The following KIF6 variants were observed in gnomAD, a reference collection of about 807,000 sequenced individuals.
KIF6 encodes the protein kinesin family member 6.
Under a neutral mutation model 112.7 loss-of-function variants are expected in KIF6, and 106 were observed. That is an observed-to-expected ratio of 0.94 (90% CI 0.80 to 1.11). The LOEUF is 1.11. Ranked by LOEUF, KIF6 falls within the 50% of genes least tolerant of loss-of-function variation. The probability of loss-of-function intolerance (pLI) is 0.00; values close to 1 mark genes in which losing one functional copy is unlikely to be tolerated. For synonymous variants in KIF6, 339 were observed against 339.9 expected, an observed-to-expected ratio of 1.00 and a Z score of 0.03; for missense variants, 929 against 964.0, an observed-to-expected ratio of 0.96 and a Z score of 0.48.
intron 17 of KIF6, among the ~76,000 whole-genome samples, chr6:39,361,719 T>C (rs945006306): frequency 6.6e-6 from 1 of 151,752 alleles, no homozygotes. Context: ...CACCTGCACA[T>C]CTGCCAGGAG....
At chr6:39,337,168 C>T (rs4714241) in intron 22 of KIF6, among the ~76,000 whole-genome samples, 9,768 of 48,220 alleles carry the variant, frequency 0.2, 1,040 homozygotes, top group East Asian at 0.33. Context: ...TCTTTCTTTC[C>T]TTCCTTCTTT....
intron 13 of KIF6, among the ~76,000 whole-genome samples, chr6:39,444,927 CA>C (rs1233120104): frequency 6.6e-6 from 1 of 151,902 alleles, no homozygotes; most frequent in East Asian, 1.9e-4. Context: ...TCTCTGTGAA[CA>C]GGAAACTAGG....
intron 13 of KIF6, among the ~76,000 whole-genome samples, chr6:39,502,913 C>T (rs1377584071): frequency 6.6e-6 from 1 of 152,122 alleles, no homozygotes; most frequent in Non-Finnish European, 1.5e-5. Context: ...TAACACCCCG[C>T]TGACAATATT....
chr6:39,389,922 T>C (rs1206566512), intron 15 of KIF6, among the ~76,000 whole-genome samples: 1 of 151,270 alleles, frequency 6.6e-6, no homozygotes, highest in East Asian at 1.9e-4. Flanking sequence ...TCCCAGCTAC[T>C]TGGGACACTG....
At chr6:39,640,896 T>C (rs1305203774) in intron 3 of KIF6, among the ~76,000 whole-genome samples, 2 of 152,130 alleles carry the variant, frequency 1.3e-5, no homozygotes, top group African/African-American at 4.8e-5. Context: ...GAAAGTGTTG[T>C]TGGTGCTTAC....
chr6:39,424,038 C>T (rs1037689875), intron 14 of KIF6, among the ~76,000 whole-genome samples: 1 of 152,152 alleles, frequency 6.6e-6, no homozygotes, highest in Non-Finnish European at 1.5e-5. Flanking sequence ...AGTCCGGATT[C>T]CCTAACAGGG....
At chr6:39,580,143 T>C (rs961039551) in intron 9 of KIF6, among the ~76,000 whole-genome samples, 4 of 152,118 alleles carry the variant, frequency 2.6e-5, no homozygotes, top group Non-Finnish European at 5.9e-5. Flanking sequence ...ATAAACATGG[T>C]ATAGCTTTCC....
intron 10 of KIF6, among the ~76,000 whole-genome samples, chr6:39,552,207 T>G (rs1439031752): frequency 6.6e-6 from 1 of 152,244 alleles, no homozygotes; most frequent in Non-Finnish European, 1.5e-5. Context: ...CATCCCTTGA[T>G]AGTCAACCAT....
intron 13 of KIF6, among the ~76,000 whole-genome samples, chr6:39,482,689 A>G (rs1157685916): frequency 1.3e-5 from 2 of 152,252 alleles, no homozygotes; most frequent in Non-Finnish European, 2.9e-5. Context: ...AGCAATGGCC[A>G]GGAGGTTACA....
chr6:39,500,693 A>T (rs1470504638), intron 13 of KIF6, among the ~76,000 whole-genome samples: 1 of 152,162 alleles, frequency 6.6e-6, no homozygotes, highest in East Asian at 1.9e-4. Context: ...AAGATTTAGC[A>T]CTAAGCCTGG....
At chr6:39,403,467 C>A (rs1768859469) in intron 15 of KIF6, among the ~76,000 whole-genome samples, 1 of 152,168 alleles carries the variant, frequency 6.6e-6, no homozygotes, top group Admixed American at 6.5e-5. Flanking sequence ...GAGAGTCACT[C>A]ATGTTGTCTT....
intron 16 of KIF6, among the ~76,000 whole-genome samples, chr6:39,380,569 G>A (rs182130510): frequency 7.2e-5 from 11 of 151,898 alleles, no homozygotes; most frequent in East Asian, 1.9e-4. Flanking sequence ...ACACACACAC[G>A]CACACACCCG....
At chr6:39,659,605 A>G (rs769576886) in intron 3 of KIF6, among the ~76,000 whole-genome samples, 7 of 152,154 alleles carry the variant, frequency 4.6e-5, no homozygotes, top group Non-Finnish European at 8.8e-5. Context: ...TGTTCTTATG[A>G]CAGTGAATGA....
At chr6:39,508,150 C>T (rs1295600870) in intron 13 of KIF6, among the ~76,000 whole-genome samples, 1 of 151,570 alleles carries the variant, frequency 6.6e-6, no homozygotes, top group Non-Finnish European at 1.5e-5. Context: ...AAAGTGTGGT[C>T]CATGTGTTAG....
At chr6:39,570,794 C>T (rs992524232) in intron 10 of KIF6, among the ~76,000 whole-genome samples, 1 of 152,186 alleles carries the variant, frequency 6.6e-6, no homozygotes, top group Admixed American at 6.5e-5. Flanking sequence ...TTCTCCTTTG[C>T]TTTCTGCCAT....
At chr6:39,427,607 C>T (rs1441176668) in intron 14 of KIF6, among the ~76,000 whole-genome samples, 1 of 152,120 alleles carries the variant, frequency 6.6e-6, no homozygotes, top group Non-Finnish European at 1.5e-5. Flanking sequence ...GGGCTGGTCT[C>T]CTGACTTTTC....
At chr6:39,447,971 T>G (rs967512818) in intron 13 of KIF6, among the ~76,000 whole-genome samples, 5 of 152,194 alleles carry the variant, frequency 3.3e-5, no homozygotes, top group Admixed American at 6.5e-5. Context: ...CTGCTACTGG[T>G]CAGCGGGCTG....
chr6:39,430,849 C>G (rs1042935122), intron 14 of KIF6, among the ~76,000 whole-genome samples: 1 of 152,236 alleles, frequency 6.6e-6, no homozygotes, highest in African/African-American at 2.4e-5. Context: ...AAGTTGCTTA[C>G]CCCAGTAGTA....
At chr6:39,489,404 C>T (rs1775324923) in intron 13 of KIF6, among the ~76,000 whole-genome samples, 2 of 152,062 alleles carry the variant, frequency 1.3e-5, no homozygotes, top group African/African-American at 4.8e-5. Context: ...CTTAGGTCTG[C>T]ATGGGCCTAT....
Sources: allele counts gnomAD v4.1 joint callset (sites outside exome capture counted in the v4.1 genomes callset), GRCh38; gene constraint gnomAD v4.1.1; transcripts MANE v1.5; gene names NCBI Gene and HGNC (gene_info 2026-07-23, HGNC 2026-07-21).